The following DMRTC2 variants were observed in gnomAD, a reference collection of about 807,000 sequenced individuals.
DMRTC2 encodes the protein DMRT like family C2.
Under a neutral mutation model 39.9 loss-of-function variants are expected in DMRTC2, and 13 were observed. The ratio of observed to expected loss-of-function variants is 0.33; its 90% CI spans 0.21 to 0.52. DMRTC2 has a LOEUF of 0.52. Ranked by LOEUF, DMRTC2 falls within the 20% of genes least tolerant of loss-of-function variation. The pLI, the probability that DMRTC2 is intolerant of heterozygous loss-of-function variation, is 0.96. For missense variants in DMRTC2, 431 were observed against 472.8 expected (o/e 0.91, Z 0.82); for synonymous variants, 189 against 185.2 (o/e 1.02, Z -0.17).
At position 41,848,662 on chromosome 19, in the gene DMRTC2, TCTCTA is replaced by T. The variant is rs1401147871; in HGVS notation, c.448-132_448-128del. The stretch of plus-strand genomic sequence containing the variant: ...TGTAATCTAGTCAAATCACTGCTCT[TCTCTA>T]GGCAAAATGAGGGGAAAACGAGGGC... On this transcript the variant is annotated intron_variant, in intron 4 of 8. Coordinates refer to ENST00000269945, the MANE Select transcript of DMRTC2 (RefSeq NM_001040283.3). 47 of 1,504,292 alleles carry T rather than the reference TCTCTA, an allele frequency of 3.1e-5. No homozygotes were observed. The Middle Eastern group carries it at 1.1e-3, about 35-fold the overall frequency. The allele number at this position is 1,504,292 out of a possible 1,614,324, so 93.2% of individuals were successfully genotyped here. A position where few individuals can be genotyped will look rare whatever the true frequency, so the allele number is the denominator to read the frequency against.
At chr19:41,850,278 T>C in intron 6 of DMRTC2, 34 bp from the exon 7 acceptor site, 1 of 1,470,962 alleles carries the variant, frequency 6.8e-7, no homozygotes, top group Non-Finnish European at 9.0e-7. Flanking sequence ...TTCATCTGTT[T>C]AACCACCCTG....
chr19:41,850,628 G>A lies in DMRTC2; in HGVS notation c.919G>A (p.Ala307Thr). The A allele has an allele frequency of 6.2e-7, 1 of 1,613,588 alleles. No homozygotes were observed. Among genetic ancestry groups the A allele is most frequent in the Non-Finnish European group, 8.5e-7 (1 of 1,179,824 alleles). The change falls in exon 8 of 9, where the codon GCT becomes ACT. Residue 307 changes from alanine (A) to threonine (T), a missense_variant. Coordinates refer to ENST00000269945, the MANE Select transcript of DMRTC2 (RefSeq NM_001040283.3). ...ALVGLKDSSQ[A>T]PRVTPSVPPN... ...CGTGGGGCTGAAAGATTCATCCCAG[G>A]CTCCTCGTGTGACCCCTTCTGTGCC...
chr19:41,847,913 G>A (rs368819954), intron 3 of DMRTC2, 32 bp downstream of exon 3: 1 of 1,559,880 alleles, frequency 6.4e-7, no homozygotes, highest in Non-Finnish European at 8.7e-7. Context: ...TGGGGCAGGA[G>A]TTTGGGTACA....
intron 6 of DMRTC2, 45 bp from the exon 7 acceptor site, chr19:41,850,267 G>A (rs1270922643): frequency 2.8e-6 from 4 of 1,447,212 alleles, no homozygotes; most frequent in African/African-American, 2.9e-5. Flanking sequence ...GTGCATGTCT[G>A]TTCATCTGTT....
In DMRTC2 at chr19:41,851,758, ATT is replaced by A. The variant is rs1330397796; in HGVS notation, c.*64_*65del. 3 of 1,401,908 alleles carry A rather than the reference ATT, an allele frequency of 2.1e-6. No homozygotes were observed. The African/African-American group carries it at 4.3e-5, about 20-fold the overall frequency. The allele number at this position is 1,401,908 out of a possible 1,614,324, so 86.8% of individuals were successfully genotyped here. The stretch of plus-strand genomic sequence containing the variant: ...AGGTGACAGCCTGCTGGCACTGTAT[ATT>A]TAGTGTCTTACTTAAGGATTTATGC... On this transcript the variant is annotated 3_prime_UTR_variant, in exon 9 of 9. Coordinates refer to ENST00000269945, the MANE Select transcript of DMRTC2 (RefSeq NM_001040283.3).
rs374945441 is a variant in DMRTC2 at position 41,851,693 on chromosome 19, C to CTAGAAA, written c.1102_*3dup. On this transcript the variant is annotated inframe_insertion and stop_retained_variant, in exon 9 of 9. Coordinates refer to ENST00000269945, the MANE Select transcript of DMRTC2 (RefSeq NM_001040283.3). ...GTCTGGGGTCCATCTCCCTCCTGAG[C>CTAGAAA]TAGAAACCCAGAGATGGAGGCTGTC... 1.8e-3 allele frequency: 2,953 copies of CTAGAAA among 1,614,042 alleles called. 28 individuals carry two copies. The highest frequency in any genetic ancestry group is 0.016 in the African/African-American group (1,202 of 75,040).
At position 41,848,563 on chromosome 19, in the gene DMRTC2, C is replaced by T. The variant is rs1555836550; in HGVS notation, c.447+35C>T. 2.1e-6 allele frequency: 3 copies of T among 1,456,780 alleles called. No individual in the cohort carries two copies. The East Asian group carries it at 7.3e-5, about 35-fold the overall frequency. 90.2% of individuals were successfully genotyped at this position (1,456,780 alleles called of 1,614,324 possible). ...GGCTGGGGCCTGAGAAAGTGTCCCC[C>T]ACCCTAGTTCCTACCCAGACCCTTT... On this transcript the variant is annotated intron_variant, in intron 4 of 8. Transcript: ENST00000269945.
intron 4 of DMRTC2, 87 bp from the exon 5 acceptor site, chr19:41,848,708 T>A: frequency 1.9e-6 from 3 of 1,596,148 alleles, no homozygotes; most frequent in Non-Finnish European, 2.6e-6. Context: ...AGCCCCAAAG[T>A]TTTGGGGTTC....
In DMRTC2 at chr19:41,851,747, T is replaced by G. The variant is rs561837589; in HGVS notation, c.*51T>G. ...CTATGGCAGGGAGGTGACAGCCTGC[T>G]GGCACTGTATATTTAGTGTCTTACT... On this transcript the variant is annotated 3_prime_UTR_variant, in exon 9 of 9. Transcript: ENST00000269945. The G allele has an allele frequency of 3.4e-6, 5 of 1,462,822 alleles. No homozygotes were observed. The South Asian group carries it at 5.7e-5, about 17-fold the overall frequency. The allele number at this position is 1,462,822 out of a possible 1,614,324, so 90.6% of individuals were successfully genotyped here.
intron 5 of DMRTC2, 60 bp downstream of exon 5, chr19:41,849,035 GGA>G (rs1360960953): frequency 3.1e-6 from 5 of 1,611,748 alleles, no homozygotes; most frequent in Non-Finnish European, 4.2e-6. Flanking sequence ...GCCACATATT[GGA>G]GAGGGAAGAG....
In DMRTC2 at chr19:41,851,832, T is replaced by C. The variant is rs1311614161; in HGVS notation, c.*136T>C. 2 of 747,202 alleles carry C rather than the reference T, an allele frequency of 2.7e-6. No individual in the cohort carries two copies. The highest frequency in any genetic ancestry group is 4.3e-6 in the Non-Finnish European group (2 of 465,152). 46.3% of individuals were successfully genotyped at this position (747,202 alleles called of 1,614,324 possible). On this transcript the variant is annotated 3_prime_UTR_variant, in exon 9 of 9. Transcript: ENST00000269945. ...GCTTCGGGCTTTTTTGTTTGTTTGT[T>C]TGTTTGTTTGTTTAAGCTTTCAGGT... is the stretch of plus-strand genomic sequence containing the variant.
At position 41,847,844 on chromosome 19, in the gene DMRTC2, C is replaced by T. The variant is rs1555836359; in HGVS notation, c.333C>T (p.Asn111=). 1.3e-6 allele frequency: 2 copies of T among 1,593,612 alleles called. No homozygotes were observed. The highest frequency in any genetic ancestry group is 1.7e-6 in the Non-Finnish European group (2 of 1,169,636). ...RRGEASPKAP[N]HFRKGTTQPQ... The stretch of plus-strand genomic sequence containing the variant: ...GGGAAGCCTCTCCCAAAGCTCCCAA[C>T]CACTTCAGAAAGGGAACCACTCAGC... The change falls in exon 3 of 9, where the codon AAC becomes AAT. Residue 111 remains asparagine, a synonymous_variant. Transcript: ENST00000269945.
At chr19:41,849,745 G>C (rs552359097) in intron 6 of DMRTC2, among the ~76,000 whole-genome samples, 31 of 152,270 alleles carry the variant, frequency 2.0e-4, no homozygotes, top group South Asian at 6.2e-4. Context: ...GACTCTGATA[G>C]GTCAGGGACA....
intron 8 of DMRTC2, chr19:41,850,972 C>T: frequency 2.6e-6 from 1 of 382,622 alleles, no homozygotes; most frequent in Non-Finnish European, 4.7e-6. Context: ...TATAGTGAGA[C>T]AGTGGCAGGG....
Position 41,851,879 on chromosome 19 carries a change from T to C in DMRTC2, c.*183T>C. On this transcript the variant is annotated 3_prime_UTR_variant, in exon 9 of 9. Coordinates refer to ENST00000269945, the MANE Select transcript of DMRTC2 (RefSeq NM_001040283.3). The stretch of plus-strand genomic sequence containing the variant: ...AGGTGCTTCATTAGCTTTCAGTTCC[T>C]TTGGTAGTGTGGGCATTTCCTTGGC... 1 of 605,148 alleles carries C rather than the reference T, an allele frequency of 1.7e-6. No homozygotes were observed. The highest frequency in any genetic ancestry group is 2.9e-6 in the Non-Finnish European group (1 of 344,058). 37.5% of individuals were successfully genotyped at this position (605,148 alleles called of 1,614,324 possible). A position where few individuals can be genotyped will look rare whatever the true frequency, so the allele number is the denominator to read the frequency against.
chr19:41,851,590 C>G lies in DMRTC2; in HGVS notation c.998C>G (p.Ala333Gly). The change falls in exon 9 of 9, where the codon GCT becomes GGT. Residue 333 changes from alanine to glycine, a missense_variant. Physicochemically the swap from Ala to Gly is moderately conservative, Grantham distance 60. Coordinates refer to ENST00000269945, the MANE Select transcript of DMRTC2 (RefSeq NM_001040283.3). ...LLHPCGPPAP[A>G]GGRGFQPVGP... ...CCTTCCTTCTTGCCTGTAGCTCCTG[C>G]TGGAGGAAGAGGATTCCAGCCTGTT... 4 of 1,614,078 alleles carry G rather than the reference C, an allele frequency of 2.5e-6. No homozygotes were observed. The South Asian group carries it at 4.4e-5, about 18-fold the overall frequency.
At chr19:41,845,841 G>A (rs1423315215) in intron 1 of DMRTC2, among the ~76,000 whole-genome samples, 1 of 151,630 alleles carries the variant, frequency 6.6e-6, no homozygotes, top group East Asian at 1.9e-4. Flanking sequence ...CAAAAAAAAA[G>A]AAAGAAAGAA....
Position 41,849,177 on chromosome 19 carries a change from A to C in DMRTC2, c.676A>C (p.Thr226Pro). ...CCAGCTGCCCACTCATGGGCCCTTC[A>C]CCACCTGCCCAGGATCTCACCCAGT... ...SLQLPTHGPFTTCPGSHPVLT... is the reference protein window; with the variant it reads ...SLQLPTHGPFPTCPGSHPVLT... The change falls in exon 6 of 9, where the codon ACC (threonine) becomes CCC (proline). Residue 226 changes from threonine to proline, a missense_variant. Thr to Pro is a conservative substitution (Grantham distance 38). Transcript: ENST00000269945. The C allele has an allele frequency of 1.2e-6, 2 of 1,614,100 alleles. No individual in the cohort carries two copies. The highest frequency in any genetic ancestry group is 1.7e-6 in the Non-Finnish European group (2 of 1,180,014).
At position 41,845,901 on chromosome 19, in the gene DMRTC2, A is replaced by G. The variant is rs551484530; in HGVS notation, c.-5+800A>G. 3.9e-5 allele frequency among the ~76,000 whole-genome samples: 6 copies of G among 152,220 alleles called. No homozygotes were observed. The South Asian group carries it at 1.2e-3, about 32-fold the overall frequency. On this transcript the variant is annotated intron_variant, in intron 1 of 8. Transcript: ENST00000269945. The stretch of plus-strand genomic sequence containing the variant: ...GTGGCTCCAGCCTGTAGTCCCAGCT[A>G]CTGGGGAGGCTGCGGCAGGAGGATT...
Sources: allele counts gnomAD v4.1 joint callset (sites outside exome capture counted in the v4.1 genomes callset), GRCh38; gene constraint gnomAD v4.1.1; transcripts MANE v1.5; gene names NCBI Gene and HGNC (gene_info 2026-07-23, HGNC 2026-07-21).